Variants in CALN1 observed in about 807,000 individuals in gnomAD.
The protein encoded by CALN1 is calneuron 1, also known as calcium-binding protein 8.
CALN1 carries 17 observed loss-of-function variants against 30.6 expected under a neutral mutation model. The ratio of observed to expected loss-of-function variants is 0.56; its 90% CI spans 0.38 to 0.83. The LOEUF is 0.83. Ranked by LOEUF, CALN1 falls within the 40% of genes least tolerant of loss-of-function variation. The probability of loss-of-function intolerance (pLI) is 0.00; values close to 1 mark genes in which losing one functional copy is unlikely to be tolerated. For missense variants in CALN1, 291 were observed against 354.9 expected, an observed-to-expected ratio of 0.82 and a Z score of 1.45; for synonymous variants, 156 against 131.4, an observed-to-expected ratio of 1.19 and a Z score of -1.28.
chr7:72,393,904 C>A, intron 2 of CALN1, among the ~76,000 whole-genome samples: 1 of 152,108 alleles, frequency 6.6e-6, no homozygotes, highest in East Asian at 1.9e-4. Context: ...CATGGGCCAC[C>A]GTGCCTGGCC....
At chr7:72,289,175 A>G (rs1798303803) in intron 2 of CALN1, among the ~76,000 whole-genome samples, 1 of 152,212 alleles carries the variant, frequency 6.6e-6, no homozygotes, top group Non-Finnish European at 1.5e-5. Context: ...ATTCATACTC[A>G]TTCTGGACAA....
intron 3 of CALN1, among the ~76,000 whole-genome samples, chr7:72,254,293 G>C (rs1795764461): frequency 6.6e-6 from 1 of 152,154 alleles, no homozygotes; most frequent in Non-Finnish European, 1.5e-5. Flanking sequence ...AGATGCCCTG[G>C]TTTTGTTGCA....
chr7:72,029,629 C>T (rs1178511651), intron 4 of CALN1, among the ~76,000 whole-genome samples: 1 of 152,186 alleles, frequency 6.6e-6, no homozygotes. Flanking sequence ...AGACTAGGTT[C>T]ATAATCAATC....
intron 4 of CALN1, among the ~76,000 whole-genome samples, chr7:72,096,099 AT>A (rs1806213548): frequency 6.6e-6 from 1 of 152,150 alleles, no homozygotes; most frequent in African/African-American, 2.4e-5. Context: ...ATAAAGATAG[AT>A]AGATAGATAG....
At chr7:71,925,880 G>GTC (rs34885230) in intron 5 of CALN1, among the ~76,000 whole-genome samples, 4 of 151,996 alleles carry the variant, frequency 2.6e-5, no homozygotes, top group Non-Finnish European at 4.4e-5. Context: ...TTGAAACGGA[G>GTC]TCTCTCTCTG....
chr7:72,171,561 T>C (rs2129545470), intron 3 of CALN1, among the ~76,000 whole-genome samples: 1 of 152,260 alleles, frequency 6.6e-6, no homozygotes, highest in African/African-American at 2.4e-5. Flanking sequence ...AGGAAAAACA[T>C]CTGAAAACCT....
At chr7:72,369,148 TCTTA>T (rs1804058597) in intron 2 of CALN1, among the ~76,000 whole-genome samples, 1 of 151,748 alleles carries the variant, frequency 6.6e-6, no homozygotes, top group Non-Finnish European at 1.5e-5. Flanking sequence ...TGTATTGAAA[TCTTA>T]CTGACACACA....
chr7:71,801,976 C>CAA (rs769583866), intron 6 of CALN1, among the ~76,000 whole-genome samples: 1 of 132,270 alleles, frequency 7.6e-6, no homozygotes, highest in Admixed American at 7.8e-5. Flanking sequence ...AGACTGTGTC[C>CAA]AAAAAAAAAA....
At chr7:72,349,634 A>G (rs1252905571) in intron 2 of CALN1, among the ~76,000 whole-genome samples, 1 of 152,204 alleles carries the variant, frequency 6.6e-6, no homozygotes, top group Non-Finnish European at 1.5e-5. Flanking sequence ...TGAAAACAAA[A>G]ACAAAAATAC....
intron 2 of CALN1, among the ~76,000 whole-genome samples, chr7:72,322,730 A>G (rs1194951937): frequency 6.6e-6 from 1 of 152,084 alleles, no homozygotes; most frequent in African/African-American, 2.4e-5. Context: ...GGAAGAATGA[A>G]TAATACCCTA....
intron 1 of CALN1, among the ~76,000 whole-genome samples, chr7:72,440,743 C>T (rs2129564377): frequency 6.6e-6 from 1 of 152,308 alleles, no homozygotes; most frequent in Non-Finnish European, 1.5e-5. Flanking sequence ...AGGAGAATTG[C>T]TTGAACCCAG....
At chr7:72,092,393 A>G (rs1264234091) in intron 4 of CALN1, among the ~76,000 whole-genome samples, 1 of 152,092 alleles carries the variant, frequency 6.6e-6, no homozygotes, top group African/African-American at 2.4e-5. Context: ...TCACTTAAAA[A>G]GTAAGCTGTT....
At chr7:72,058,873 A>G (rs1179449851) in intron 4 of CALN1, among the ~76,000 whole-genome samples, 2 of 152,130 alleles carry the variant, frequency 1.3e-5, no homozygotes, top group South Asian at 2.1e-4. Flanking sequence ...AAAAAAACAA[A>G]AGTCGAAAAC....
At chr7:72,411,095 CAG>C (rs2129562939) in intron 1 of CALN1, among the ~76,000 whole-genome samples, 1 of 151,988 alleles carries the variant, frequency 6.6e-6, no homozygotes, top group South Asian at 2.1e-4. Context: ...TGTGTAGAAA[CAG>C]AAGATAATGT....
rs557125084 is a variant in CALN1, at chr7:72,303,030, A to G, written c.120-24220T>C. ...CAGGAGTTCAAGGATACAGTGAGCT[A>G]TGATGGTGCCATTGCACTCTAACCT... On this transcript the variant is annotated intron_variant, in intron 2 of 6. Coordinates refer to ENST00000395275, the MANE Select transcript of CALN1 (RefSeq NM_031468.4). Among the ~76,000 whole-genome samples the G allele has an allele frequency of 2.6e-5, 4 of 151,708 alleles. No homozygotes were observed. In the South Asian group the frequency reaches 8.4e-4, roughly 32 times the overall value.
At chr7:72,169,630 G>T (rs1788795827) in intron 3 of CALN1, among the ~76,000 whole-genome samples, 1 of 151,332 alleles carries the variant, frequency 6.6e-6, no homozygotes, top group Admixed American at 6.6e-5. Context: ...CTTGCTTCTT[G>T]CTTATACCCT....
chr7:72,343,986 G>C (rs1281783248), intron 2 of CALN1, among the ~76,000 whole-genome samples: 3 of 152,118 alleles, frequency 2.0e-5, no homozygotes, highest in Non-Finnish European at 4.4e-5. Context: ...TCACTCAGCA[G>C]CTTTGCAGGA....
At chr7:72,425,964 G>A (rs1175951591) in intron 1 of CALN1, among the ~76,000 whole-genome samples, 1 of 152,040 alleles carries the variant, frequency 6.6e-6, no homozygotes, top group East Asian at 1.9e-4. Context: ...AAGACATAAG[G>A]AACCACAGCT....
At chr7:72,156,967 C>G (rs2129544568) in intron 3 of CALN1, among the ~76,000 whole-genome samples, 1 of 152,338 alleles carries the variant, frequency 6.6e-6, no homozygotes, top group East Asian at 1.9e-4. Flanking sequence ...AAGACATAAC[C>G]TCTGCCTACA....
Sources: gnomAD v4.1 joint callset for allele counts (sites outside exome capture counted in the v4.1 genomes callset) on GRCh38, gnomAD v4.1.1 for gene constraint, MANE v1.5 for transcripts, NCBI Gene and HGNC (gene_info 2026-07-23, HGNC 2026-07-21) for gene names.